The following MYO1D variants were observed in gnomAD, a reference collection of about 807,000 sequenced individuals.
MYO1D encodes the protein myosin ID, also known as unconventional myosin-Id.
Under a neutral mutation model 122.0 loss-of-function variants are expected in MYO1D, and 83 were observed. That is an observed-to-expected ratio of 0.68 (90% CI 0.57 to 0.82). The LOEUF is 0.82. Ranked by LOEUF, MYO1D falls within the 40% of genes least tolerant of loss-of-function variation. MYO1D has a pLI of 0.00. For synonymous variants in MYO1D, 464 were observed against 446.9 expected (o/e 1.04, Z -0.48); for missense variants, 1,157 against 1,269.5 (o/e 0.91, Z 1.35).
At chr17:32,598,096 A>G (rs1227464179) in intron 21 of MYO1D, among the ~76,000 whole-genome samples, 1 of 151,806 alleles carries the variant, frequency 6.6e-6, no homozygotes, top group Non-Finnish European at 1.5e-5. Context: ...TGTTAGGGCC[A>G]GGCACAGTGG....
chr17:32,516,268 G>C (rs1464528029), intron 21 of MYO1D, among the ~76,000 whole-genome samples: 1 of 152,198 alleles, frequency 6.6e-6, no homozygotes, highest in Non-Finnish European at 1.5e-5. Context: ...CCTATAATGA[G>C]AGATGAACCA....
At chr17:32,735,126 A>G (rs1185587182) in intron 14 of MYO1D, among the ~76,000 whole-genome samples, 1 of 147,112 alleles carries the variant, frequency 6.8e-6, no homozygotes, top group African/African-American at 2.5e-5. Context: ...ACACACACGA[A>G]CCCAAAATGG....
chr17:32,715,938 T>C (rs2089439088), intron 15 of MYO1D, among the ~76,000 whole-genome samples: 1 of 152,220 alleles, frequency 6.6e-6, no homozygotes, highest in African/African-American at 2.4e-5. Context: ...ACAATTCTCC[T>C]CATCTTTATT....
chr17:32,706,620 T>C (rs192780834), intron 16 of MYO1D, among the ~76,000 whole-genome samples: 271 of 152,174 alleles, frequency 1.8e-3, no homozygotes, highest in African/African-American at 5.2e-3. Context: ...GTGGAAAAAA[T>C]AGAAATGTTT....
At chr17:32,559,807 A>AT (rs1009506625) in intron 21 of MYO1D, among the ~76,000 whole-genome samples, 5 of 152,130 alleles carry the variant, frequency 3.3e-5, no homozygotes, top group South Asian at 4.1e-4. Flanking sequence ...TCTATCATTA[A>AT]TTTTTTGTAA....
Position 32,618,639 on chromosome 17 carries a change from C to CTTTT in MYO1D, c.2710-13402_2710-13399dup, listed in dbSNP as rs35604698. Among the ~76,000 whole-genome samples the CTTTT allele has an allele frequency of 3.0e-4, 43 of 144,154 alleles. 1 individual carries two copies. In the South Asian group the frequency reaches 6.9e-3, roughly 23 times the overall value. 94.6% of individuals were successfully genotyped at this position (144,154 alleles called of 152,430 possible). ...GCCTCTGTTAATTAATTAATTAATT[C>CTTTT]TTTTTTTTTTTTTGAGACGGAATCT... On this transcript the variant is annotated intron_variant, in intron 20 of 21. Transcript: ENST00000318217.
At chr17:32,872,898 T>G (rs1299382959) in intron 1 of MYO1D, among the ~76,000 whole-genome samples, 1 of 145,814 alleles carries the variant, frequency 6.9e-6, no homozygotes, top group East Asian at 2.1e-4. Flanking sequence ...GGGTTTCACC[T>G]TGTTAGCCAG....
intron 8 of MYO1D, 93 bp downstream of exon 8, chr17:32,764,785 C>T: frequency 7.3e-7 from 1 of 1,361,918 alleles, no homozygotes; most frequent in Non-Finnish European, 1.0e-6. Context: ...CCTTAACCCT[C>T]TTTCAAGAAT....
intron 21 of MYO1D, among the ~76,000 whole-genome samples, chr17:32,535,924 CAG>C (rs942451287): frequency 7.9e-5 from 12 of 152,204 alleles, no homozygotes; most frequent in Admixed American, 5.9e-4. Context: ...TCTATTCCTG[CAG>C]AGAGTGTTTG....
chr17:32,594,481 C>A (rs1039937320), intron 21 of MYO1D: 3 of 500,634 alleles, frequency 6.0e-6, no homozygotes, highest in South Asian at 3.4e-5. Context: ...GCATCCTCTT[C>A]ATCTCAGTTT....
chr17:32,511,153 TTCCTC>T lies in MYO1D; in HGVS notation c.2865-16243_2865-16239del, dbSNP rs368469158. ...ACATCAATCAGAGGACATCTGTCCTTTCCTCCCCTTCTCTTCACGTCTCTTCCTTC... is the reference window on the plus strand; with the variant it reads ...ACATCAATCAGAGGACATCTGTCCTTCCCTTCTCTTCACGTCTCTTCCTTC... On this transcript the variant is annotated intron_variant, in intron 21 of 21. Transcript: ENST00000318217. Among the ~76,000 whole-genome samples the T allele has an allele frequency of 4.3e-4, 65 of 151,438 alleles. No homozygotes were observed. In the Middle Eastern group the frequency reaches 0.01, roughly 24 times the overall value.
At chr17:32,771,309 T>G (rs1433366611) in intron 5 of MYO1D, 89 bp from the exon 6 acceptor site, 4 of 893,402 alleles carry the variant, frequency 4.5e-6, no homozygotes, top group Non-Finnish European at 6.9e-6. Context: ...ATTCATTTTC[T>G]GGGCTTAATT....
chr17:32,550,750 C>T (rs1341784078), intron 21 of MYO1D, among the ~76,000 whole-genome samples: 2 of 152,258 alleles, frequency 1.3e-5, no homozygotes, highest in Admixed American at 1.3e-4. Context: ...AATCCCAGCA[C>T]TTTTGGAGGC....
chr17:32,842,886 CTTTTTTTTT>C (rs34927176), intron 1 of MYO1D, among the ~76,000 whole-genome samples: 2 of 104,458 alleles, frequency 1.9e-5, no homozygotes, highest in African/African-American at 3.7e-5. Context: ...CTATTTCTTT[CTTTTTTTTT>C]TTTTTTTTTT....
intron 14 of MYO1D, chr17:32,727,664 A>C (rs563955744): frequency 6.6e-6 from 1 of 152,338 alleles, no homozygotes; most frequent in African/African-American, 2.4e-5. Context: ...AGAAGAGTCA[A>C]ATAGAAGCAT....
intron 21 of MYO1D, among the ~76,000 whole-genome samples, chr17:32,531,029 A>C (rs1164258029): frequency 6.6e-6 from 1 of 152,038 alleles, no homozygotes; most frequent in Non-Finnish European, 1.5e-5. Flanking sequence ...CCCTCACTGC[A>C]ACCCAGGGTG....
chr17:32,874,812 C>T (rs1011432585), intron 1 of MYO1D, among the ~76,000 whole-genome samples: 11 of 152,142 alleles, frequency 7.2e-5, no homozygotes, highest in Admixed American at 5.9e-4. Flanking sequence ...CTCTTCTGTA[C>T]ACATAGGAGT....
At chr17:32,764,068 GGGTGACTTAAGAGTAAGGT>G (rs1450475404) in intron 8 of MYO1D, among the ~76,000 whole-genome samples, 2 of 152,188 alleles carry the variant, frequency 1.3e-5, no homozygotes, top group Non-Finnish European at 2.9e-5. Flanking sequence ...GAAGTAAAGT[GGGTGACTTAAGAGTAAGGT>G]GGTTAAATAA....
Position 32,775,933 on chromosome 17 carries a change from G to A in MYO1D, c.495C>T (p.Tyr165=), listed in dbSNP as rs775914013. Residue 165 remains tyrosine (Y), a synonymous_variant, in exon 4 of 22, where the codon TAC becomes TAT. Coordinates refer to ENST00000318217, the MANE Select transcript of MYO1D (RefSeq NM_015194.3). The stretch of plus-strand genomic sequence containing the variant: ...CCTTGAAGTCAAAGTTGATATCCAT[G>A]TATTTTCCAAACCTGCTTGAGTTGT... The part of the protein sequence containing the change: ...RNDNSSRFGK[Y]MDINFDFKGD... 1.5e-5 allele frequency: 25 copies of A among 1,613,812 alleles called. No individual in the cohort carries two copies. The highest frequency in any genetic ancestry group is 2.1e-5 in the Non-Finnish European group (25 of 1,179,798).
Sources: gnomAD v4.1 joint callset for allele counts (sites outside exome capture counted in the v4.1 genomes callset) on GRCh38, gnomAD v4.1.1 for gene constraint, MANE v1.5 for transcripts, NCBI Gene and HGNC (gene_info 2026-07-23, HGNC 2026-07-21) for gene names.